Variants in ADARB2 observed in about 807,000 individuals in gnomAD.
ADARB2 encodes inactive double-stranded RNA-specific editase B2.
Under a neutral mutation model 62.2 loss-of-function variants are expected in ADARB2, and 25 were observed. The ratio of observed to expected loss-of-function variants is 0.40; its 90% CI spans 0.29 to 0.56. The LOEUF (loss-of-function observed/expected upper bound fraction) is 0.56. Among genes scored for constraint, ADARB2 ranks in the 20% least tolerant of loss-of-function variants. ADARB2 has a pLI of 0.43. For synonymous variants in ADARB2, 572 were observed against 500.8 expected (o/e 1.14, Z -1.90); for missense variants, 1,071 against 1,077.4 (o/e 0.99, Z 0.08).
intron 1 of ADARB2, among the ~76,000 whole-genome samples, chr10:1,595,482 T>G (rs1312112766): frequency 1.3e-5 from 2 of 152,082 alleles, no homozygotes; most frequent in Non-Finnish European, 2.9e-5. Flanking sequence ...GAAAAAATAG[T>G]GTGGAGGGCG....
At chr10:1,350,290 T>C (rs1439164069) in intron 3 of ADARB2, among the ~76,000 whole-genome samples, 1 of 152,124 alleles carries the variant, frequency 6.6e-6, no homozygotes, top group Non-Finnish European at 1.5e-5. Flanking sequence ...ATCTTCCTTC[T>C]TTCCCTCCCC....
intron 4 of ADARB2, among the ~76,000 whole-genome samples, chr10:1,245,421 T>C (rs1015410886): frequency 2.6e-5 from 4 of 152,230 alleles, no homozygotes; most frequent in Non-Finnish European, 5.9e-5. Context: ...TGTGCCATGT[T>C]GGTGTGCTGC....
At chr10:1,695,342 C>T (rs972935813) in intron 1 of ADARB2, among the ~76,000 whole-genome samples, 3 of 152,194 alleles carry the variant, frequency 2.0e-5, no homozygotes, top group Non-Finnish European at 4.4e-5. Flanking sequence ...ACCCCCGAGC[C>T]TCAGCTGTTC....
At chr10:1,424,229 G>A (rs1263293455) in intron 1 of ADARB2, among the ~76,000 whole-genome samples, 2 of 152,232 alleles carry the variant, frequency 1.3e-5, no homozygotes, top group African/African-American at 4.8e-5. Flanking sequence ...TTTGCTGATT[G>A]ATCTGAGGAA....
chr10:1,672,434 C>T (rs930139389), intron 1 of ADARB2, among the ~76,000 whole-genome samples: 2 of 152,174 alleles, frequency 1.3e-5, no homozygotes, highest in African/African-American at 4.8e-5. Context: ...TACACCCAAG[C>T]GGGCATACTG....
At chr10:1,601,669 A>G (rs953762663) in intron 1 of ADARB2, among the ~76,000 whole-genome samples, 4 of 152,160 alleles carry the variant, frequency 2.6e-5, no homozygotes, top group Non-Finnish European at 5.9e-5. Context: ...TCGGTGTCCA[A>G]GGAACGTTGG....
intron 6 of ADARB2, among the ~76,000 whole-genome samples, chr10:1,232,030 C>T (rs780228996): frequency 6.6e-6 from 1 of 152,152 alleles, no homozygotes; most frequent in African/African-American, 2.4e-5. Flanking sequence ...AGCCTTCCAC[C>T]GGAGGAGAGT....
chr10:1,563,590 A>T (rs1334415430), intron 1 of ADARB2, among the ~76,000 whole-genome samples: 1 of 152,098 alleles, frequency 6.6e-6, no homozygotes, highest in East Asian at 1.9e-4. Context: ...TGAGGAAGAG[A>T]GAGCACTCCC....
intron 1 of ADARB2, among the ~76,000 whole-genome samples, chr10:1,636,480 G>A (rs902637610): frequency 3.3e-5 from 5 of 152,118 alleles, no homozygotes; most frequent in African/African-American, 1.2e-4. Flanking sequence ...TTGCACCATT[G>A]CACTCTAGCC....
At chr10:1,269,704 C>G (rs1451103991) in intron 4 of ADARB2, among the ~76,000 whole-genome samples, 1 of 152,124 alleles carries the variant, frequency 6.6e-6, no homozygotes, top group East Asian at 1.9e-4. Flanking sequence ...ACTGCTGTAC[C>G]CTGAGTGGGG....
chr10:1,731,731 G>A (rs776782772), intron 1 of ADARB2, among the ~76,000 whole-genome samples: 1 of 151,794 alleles, frequency 6.6e-6, no homozygotes, highest in South Asian at 2.1e-4. Context: ...TCAGGTTCTC[G>A]GCCACACACC....
chr10:1,574,186 G>A (rs999360652), intron 1 of ADARB2, among the ~76,000 whole-genome samples: 2 of 152,158 alleles, frequency 1.3e-5, no homozygotes, highest in African/African-American at 4.8e-5. Flanking sequence ...AAGTGATGTG[G>A]GCCGAGAGCA....
intron 1 of ADARB2, among the ~76,000 whole-genome samples, chr10:1,580,785 C>T (rs183288700): frequency 2.6e-4 from 39 of 152,354 alleles, no homozygotes; most frequent in Admixed American, 1.6e-3. Context: ...CAAGCCCTGG[C>T]CACCACTGGT....
intron 3 of ADARB2, among the ~76,000 whole-genome samples, chr10:1,344,562 G>C (rs1175272026): frequency 2.0e-5 from 3 of 152,186 alleles, no homozygotes; most frequent in South Asian, 2.1e-4. Context: ...GACCTGACCC[G>C]CCAGGCCGCT....
intron 8 of ADARB2, chr10:1,187,848 C>G (rs968335469): frequency 4.6e-6 from 2 of 439,096 alleles, no homozygotes; most frequent in African/African-American, 4.0e-5. Context: ...TTCTTCTCAC[C>G]AGGGTGTGGT....
chr10:1,334,471 G>T (rs892961111), intron 3 of ADARB2, among the ~76,000 whole-genome samples: 7 of 152,172 alleles, frequency 4.6e-5, no homozygotes, highest in Non-Finnish European at 7.3e-5. Flanking sequence ...ACATGTGCAA[G>T]TGTTTGTATA....
At chr10:1,286,375 A>G (rs555540458) in intron 3 of ADARB2, among the ~76,000 whole-genome samples, 14 of 152,328 alleles carry the variant, frequency 9.2e-5, no homozygotes, top group African/African-American at 3.4e-4. Context: ...TATGTCATGT[A>G]ATGAGCCCTG....
intron 3 of ADARB2, among the ~76,000 whole-genome samples, chr10:1,296,124 C>G (rs1345344977): frequency 1.3e-5 from 2 of 152,204 alleles, no homozygotes; most frequent in Non-Finnish European, 1.5e-5. Context: ...GGGTCCAAGT[C>G]CACCTGCTCA....
intron 1 of ADARB2, among the ~76,000 whole-genome samples, chr10:1,572,769 C>T (rs977885012): frequency 6.6e-6 from 1 of 152,216 alleles, no homozygotes; most frequent in Non-Finnish European, 1.5e-5. Context: ...GCAGGTGCTG[C>T]AGCCTGGGCT....
Sources: allele counts gnomAD v4.1 joint callset (sites outside exome capture counted in the v4.1 genomes callset), GRCh38; gene constraint gnomAD v4.1.1; transcripts MANE v1.5; gene names NCBI Gene and HGNC (gene_info 2026-07-23, HGNC 2026-07-21).